IFT57: variants seen among roughly 807,000 people sequenced by gnomAD.
IFT57 encodes intraflagellar transport 57, also known as intraflagellar transport protein 57 homolog.
In IFT57, 59 loss-of-function variants were observed where a neutral mutation model predicts 56.8. That is an observed-to-expected ratio of 1.04 (90% CI 0.84 to 1.29). The LOEUF (loss-of-function observed/expected upper bound fraction) is 1.29. Ranked by LOEUF, IFT57 falls within the 50% of genes most tolerant of loss-of-function variation. IFT57 has a pLI of 0.00. For missense variants in IFT57, 470 were observed against 522.1 expected (o/e 0.90, Z 0.97); for synonymous variants, 209 against 186.1 (o/e 1.12, Z -1.00).
chr3:108,176,670 G>A (rs185167576), intron 6 of IFT57, among the ~76,000 whole-genome samples: 125 of 151,850 alleles, frequency 8.2e-4, no homozygotes, highest in Admixed American at 3.4e-3. Flanking sequence ...GGATAAATAA[G>A]TCCCAAAGAA....
intron 6 of IFT57, among the ~76,000 whole-genome samples, chr3:108,187,762 C>T (rs1476297405): frequency 6.6e-6 from 1 of 152,038 alleles, no homozygotes; most frequent in African/African-American, 2.4e-5. Flanking sequence ...TTGTCTCTCT[C>T]ATCTCTAAAC....
intron 1 of IFT57, among the ~76,000 whole-genome samples, chr3:108,220,138 G>A (rs1355241017): frequency 6.6e-6 from 1 of 152,172 alleles, no homozygotes; most frequent in Non-Finnish European, 1.5e-5. Flanking sequence ...GGCCCAGTAT[G>A]GGGTATATTT....
intron 5 of IFT57, among the ~76,000 whole-genome samples, chr3:108,203,015 T>C (rs9882728): frequency 0.089 from 13,604 of 152,248 alleles, 667 homozygotes; most frequent in Middle Eastern, 0.12. Flanking sequence ...GCTGTGGTAA[T>C]TAGGAAGATG....
chr3:108,200,972 A>G (rs936889314), intron 5 of IFT57, among the ~76,000 whole-genome samples: 6 of 152,210 alleles, frequency 3.9e-5, no homozygotes, highest in East Asian at 3.8e-4. Flanking sequence ...ATTATACAAA[A>G]TAAGAAATGC....
chr3:108,217,727 T>TAAAA, intron 3 of IFT57, among the ~76,000 whole-genome samples: 1 of 145,462 alleles, frequency 6.9e-6, no homozygotes, highest in Non-Finnish European at 1.5e-5. Context: ...TAGTTCTAAT[T>TAAAA]AAAAAAAAAA....
At position 108,206,072 on chromosome 3, in the gene IFT57, A is replaced by AT. The variant is rs1576046887; in HGVS notation, c.654+555dup. Among the ~76,000 whole-genome samples the AT allele has an allele frequency of 5.4e-5, 7 of 130,386 alleles. No homozygotes were observed. The South Asian group carries it at 1.5e-3, about 29-fold the overall frequency. The allele number at this position is 130,386 out of a possible 152,430, so 85.5% of individuals were successfully genotyped here. Reference sequence around the variant, plus strand: ...TTATATATTATTTATATATAATAATATATTATATATAAATAATATATATTG... The same window carrying AT: ...TTATATATTATTTATATATAATAATATTATTATATATAAATAATATATATTG... On this transcript the variant is annotated intron_variant, in intron 5 of 10. Transcript: ENST00000264538.
chr3:108,208,638 T>C (rs1200169107), intron 4 of IFT57, among the ~76,000 whole-genome samples: 1 of 152,194 alleles, frequency 6.6e-6, no homozygotes, highest in Non-Finnish European at 1.5e-5. Flanking sequence ...TTGCTTCCTG[T>C]TCCCATGACC....
intron 6 of IFT57, among the ~76,000 whole-genome samples, chr3:108,190,991 C>A (rs1393694858): frequency 3.3e-5 from 5 of 152,112 alleles, no homozygotes; most frequent in African/African-American, 1.2e-4. Context: ...CGGGGTTTCA[C>A]TGCATTGGCC....
chr3:108,178,585 G>A (rs1044148639), intron 6 of IFT57, among the ~76,000 whole-genome samples: 4 of 151,796 alleles, frequency 2.6e-5, no homozygotes, highest in African/African-American at 4.8e-5. Context: ...CAGATGGCCC[G>A]ATGGCTAAAC....
intron 6 of IFT57, among the ~76,000 whole-genome samples, chr3:108,187,177 C>A (rs1347227197): frequency 6.6e-6 from 1 of 152,068 alleles, no homozygotes; most frequent in Non-Finnish European, 1.5e-5. Context: ...CAGCATATAA[C>A]AAAAATTCTT....
intron 6 of IFT57, among the ~76,000 whole-genome samples, chr3:108,175,903 C>CT (rs1349465591): frequency 6.6e-6 from 1 of 151,648 alleles, no homozygotes; most frequent in African/African-American, 2.4e-5. Context: ...TGCTGGGATG[C>CT]TTTTTTCTAT....
intron 5 of IFT57, among the ~76,000 whole-genome samples, chr3:108,193,143 T>A (rs1008741002): frequency 1.3e-5 from 2 of 152,226 alleles, no homozygotes; most frequent in Non-Finnish European, 2.9e-5. Flanking sequence ...GTCACTAAAA[T>A]CACATTTCTT....
At chr3:108,213,258 C>T (rs2080352820) in intron 4 of IFT57, among the ~76,000 whole-genome samples, 2 of 152,066 alleles carry the variant, frequency 1.3e-5, no homozygotes, top group Admixed American at 1.3e-4. Context: ...TGCCCATAAC[C>T]CCCACATTGC....
At chr3:108,183,954 A>T (rs1445454716) in intron 6 of IFT57, among the ~76,000 whole-genome samples, 1 of 152,162 alleles carries the variant, frequency 6.6e-6, no homozygotes, top group African/African-American at 2.4e-5. Context: ...TATTCAACTC[A>T]GCAACTTTCA....
At chr3:108,212,783 C>A (rs1164301652) in intron 4 of IFT57, among the ~76,000 whole-genome samples, 1 of 152,136 alleles carries the variant, frequency 6.6e-6, no homozygotes, top group African/African-American at 2.4e-5. Context: ...ACTTCAATTA[C>A]TTACTTATTT....
In IFT57 at chr3:108,165,454, C is replaced by A; in HGVS notation, c.1021G>T (p.Glu341Ter). 3 of 1,612,778 alleles carry A rather than the reference C, an allele frequency of 1.9e-6. No individual in the cohort carries two copies. Among genetic ancestry groups the A allele is most frequent in the Non-Finnish European group, 2.5e-6 (3 of 1,179,084 alleles). The change falls in exon 9 of 11, where the codon GAA becomes TAA. Residue 341 changes from glutamate to a stop codon, truncating the protein, a stop_gained. Coordinates refer to ENST00000264538, the MANE Select transcript of IFT57 (RefSeq NM_018010.4). LOFTEE classifies it high-confidence loss of function. Reference protein sequence around the residue: ...RYQQGNGGVTERTRLLSEVME... With the variant: ...RYQQGNGGVT ...ACCTCAGAGAGGAGTCTGGTTCTTT[C>A]CGTCACTCCTCCATTTCCCTGCTGG...
At chr3:108,164,482 CT>C (rs2080050236) in intron 9 of IFT57, among the ~76,000 whole-genome samples, 2 of 152,006 alleles carry the variant, frequency 1.3e-5, no homozygotes, top group East Asian at 1.9e-4. Flanking sequence ...GTGAGTAAAA[CT>C]TTCCCTGGGA....
At position 108,166,950 on chromosome 3, in the gene IFT57, C is replaced by A; in HGVS notation, c.885G>T (p.Arg295Ser). Reference sequence around the variant, plus strand: ...CTCGGCTGCTGATCTTTTCCAAAGTCCTAGTAATTTCATTATGGAGTTTGT... The same window carrying A: ...CTCGGCTGCTGATCTTTTCCAAAGTACTAGTAATTTCATTATGGAGTTTGT... ...FLDKLHNEITRTLEKISSREK... is the reference protein window; with the variant it reads ...FLDKLHNEITSTLEKISSREK... The change falls in exon 8 of 11, where the codon AGG (arginine) becomes AGT (serine). Residue 295 changes from arginine to serine, a missense_variant. Transcript: ENST00000264538. 1 of 1,610,304 alleles carries A rather than the reference C, an allele frequency of 6.2e-7. No homozygotes were observed. Among genetic ancestry groups the A allele is most frequent in the Non-Finnish European group, 8.5e-7 (1 of 1,177,994 alleles).
At chr3:108,186,602 C>T (rs550621979) in intron 6 of IFT57, among the ~76,000 whole-genome samples, 6 of 152,050 alleles carry the variant, frequency 3.9e-5, no homozygotes, top group South Asian at 4.1e-4. Context: ...AACCAAATTG[C>T]GGAAGAATTG....
Sources: gnomAD v4.1 joint callset for allele counts (sites outside exome capture counted in the v4.1 genomes callset) on GRCh38, gnomAD v4.1.1 for gene constraint, MANE v1.5 for transcripts, NCBI Gene and HGNC (gene_info 2026-07-23, HGNC 2026-07-21) for gene names.